CNTLN: variants seen among roughly 807,000 people sequenced by gnomAD.
CNTLN encodes centlein, also known as centlein, centrosomal protein.
A neutral mutation model predicts 180.0 loss-of-function variants in CNTLN; 212 were observed. The ratio of observed to expected loss-of-function variants is 1.18; its 90% CI spans 1.05 to 1.32. The LOEUF is 1.32. CNTLN is among the 40% of genes most tolerant of loss of function. CNTLN has a pLI of 0.00. For synonymous variants in CNTLN, 722 were observed against 563.1 expected, an observed-to-expected ratio of 1.28 and a Z score of -3.99; for missense variants, 2,095 against 1,610.9, an observed-to-expected ratio of 1.30 and a Z score of -5.14.
In CNTLN at chr9:17,358,836, A is replaced by G. The variant is rs539285277; in HGVS notation, c.1887-7781A>G. Among the ~76,000 whole-genome samples the G allele has an allele frequency of 2.3e-4, 35 of 152,322 alleles. 1 individual carries two copies. The highest frequency in any genetic ancestry group is 8.4e-4 in the African/African-American group (35 of 41,578). On this transcript the variant is annotated intron_variant, in intron 12 of 25. Transcript: ENST00000380647. ...TAGCAGATGATGTAGCTACATAGCTAAAATTCCAAAAAAACCTATTTAATA... is the reference window on the plus strand; with the variant it reads ...TAGCAGATGATGTAGCTACATAGCTGAAATTCCAAAAAAACCTATTTAATA...
At chr9:17,391,335 CT>C (rs1057476380) in intron 14 of CNTLN, among the ~76,000 whole-genome samples, 1 of 152,174 alleles carries the variant, frequency 6.6e-6, no homozygotes, top group Admixed American at 6.5e-5. Flanking sequence ...TTATGGCTTG[CT>C]TTTGGGGAGA....
In CNTLN at chr9:17,261,651, G is replaced by A. The variant is rs549569527; in HGVS notation, c.850-12082G>A. Among the ~76,000 whole-genome samples, 6 of 151,370 alleles carry A rather than the reference G, an allele frequency of 4.0e-5. No individual in the cohort carries two copies. In the East Asian group the frequency reaches 1.2e-3, roughly 29 times the overall value. On this transcript the variant is annotated intron_variant, in intron 5 of 25. Coordinates refer to ENST00000380647, the MANE Select transcript of CNTLN (RefSeq NM_017738.4). ...ACGTGACTTCTTTTCCTATTTGTAT[G>A]TCATTTATTTTTTTCTCTTGACTGA...
At chr9:17,180,055 C>T (rs796798942) in intron 2 of CNTLN, among the ~76,000 whole-genome samples, 3 of 151,844 alleles carry the variant, frequency 2.0e-5, no homozygotes, top group Non-Finnish European at 2.9e-5. Flanking sequence ...ACCTATATTG[C>T]CATATTTGAA....
chr9:17,335,841 C>G (rs1820979099), intron 10 of CNTLN, among the ~76,000 whole-genome samples: 1 of 150,448 alleles, frequency 6.6e-6, no homozygotes, highest in Non-Finnish European at 1.5e-5. Context: ...ACTCAGTAGG[C>G]TGAGGGATGA....
intron 8 of CNTLN, among the ~76,000 whole-genome samples, chr9:17,312,364 T>TATATATATATATA (rs369729227): frequency 3.0e-4 from 6 of 20,182 alleles, no homozygotes; most frequent in African/African-American, 4.6e-4. Flanking sequence ...TATATATATA[T>TATATATATATATA]TATATATATA....
intron 2 of CNTLN, among the ~76,000 whole-genome samples, chr9:17,214,014 C>G (rs1375610214): frequency 6.6e-6 from 1 of 152,122 alleles, no homozygotes; most frequent in Non-Finnish European, 1.5e-5. Flanking sequence ...ATCCAATTTG[C>G]CAGTCTGTGT....
chr9:17,213,361 C>T (rs148884380), intron 2 of CNTLN, among the ~76,000 whole-genome samples: 2,087 of 152,182 alleles, frequency 0.014, 51 homozygotes, highest in African/African-American at 0.047. Context: ...TGTAGTTGAC[C>T]GGTTTTGAGT....
chr9:17,192,477 T>C (rs1481575055), intron 2 of CNTLN, among the ~76,000 whole-genome samples: 3 of 151,300 alleles, frequency 2.0e-5, no homozygotes, highest in Non-Finnish European at 2.9e-5. Context: ...GACCTCGTGA[T>C]CCACCCACCT....
chr9:17,177,394 A>G (rs1340314127), intron 2 of CNTLN, among the ~76,000 whole-genome samples: 2 of 151,986 alleles, frequency 1.3e-5, no homozygotes, highest in Non-Finnish European at 2.9e-5. Context: ...GGGCGACAGA[A>G]CAAGACTCTG....
At chr9:17,484,894 G>C (rs1832821282) in intron 24 of CNTLN, among the ~76,000 whole-genome samples, 1 of 151,946 alleles carries the variant, frequency 6.6e-6, no homozygotes, top group African/African-American at 2.4e-5. Context: ...AAATCTATTG[G>C]CTTTCATAGC....
intron 15 of CNTLN, among the ~76,000 whole-genome samples, chr9:17,409,005 A>T (rs79914208): frequency 6.6e-6 from 1 of 152,136 alleles, no homozygotes; most frequent in Non-Finnish European, 1.5e-5. Flanking sequence ...CAACCCTGGA[A>T]GTGTTACAAC....
intron 13 of CNTLN, among the ~76,000 whole-genome samples, chr9:17,373,922 A>T (rs1824539503): frequency 6.6e-6 from 1 of 152,208 alleles, no homozygotes; most frequent in South Asian, 2.1e-4. Context: ...TATGCGTAAG[A>T]ATGAAACTAG....
At chr9:17,411,087 A>C (rs1028311650) in intron 16 of CNTLN, among the ~76,000 whole-genome samples, 5 of 152,184 alleles carry the variant, frequency 3.3e-5, no homozygotes, top group Non-Finnish European at 5.9e-5. Context: ...AACAAGAAGA[A>C]GACGCTGAAA....
chr9:17,365,456 A>G (rs973630447), intron 12 of CNTLN, among the ~76,000 whole-genome samples: 1 of 152,160 alleles, frequency 6.6e-6, no homozygotes, highest in Non-Finnish European at 1.5e-5. Flanking sequence ...AGAATAGACT[A>G]ATACACCATC....
chr9:17,426,264 A>G (rs1015095325), intron 18 of CNTLN, among the ~76,000 whole-genome samples: 1 of 152,212 alleles, frequency 6.6e-6, no homozygotes, highest in African/African-American at 2.4e-5. Flanking sequence ...CAATTCACAT[A>G]TTGCCATGTT....
chr9:17,409,748 T>C (rs907188135), intron 16 of CNTLN, among the ~76,000 whole-genome samples: 5 of 152,124 alleles, frequency 3.3e-5, no homozygotes, highest in African/African-American at 1.2e-4. Context: ...TGTTTTCAGG[T>C]ATATGAAATA....
At chr9:17,149,249 G>T (rs868598942) in intron 2 of CNTLN, among the ~76,000 whole-genome samples, 1 of 152,084 alleles carries the variant, frequency 6.6e-6, no homozygotes, top group Non-Finnish European at 1.5e-5. Context: ...CCAACTCTTT[G>T]CTATTGTGAA....
chr9:17,430,369 G>T (rs1324629704), intron 18 of CNTLN, among the ~76,000 whole-genome samples: 1 of 151,696 alleles, frequency 6.6e-6, no homozygotes, highest in African/African-American at 2.4e-5. Context: ...CATACTATTT[G>T]AAAACTCTCT....
chr9:17,161,654 A>G (rs574209564), intron 2 of CNTLN, among the ~76,000 whole-genome samples: 55 of 152,334 alleles, frequency 3.6e-4, no homozygotes, highest in Non-Finnish European at 7.1e-4. Flanking sequence ...TATTTTTTCC[A>G]TAAAGAACTT....
Sources: gnomAD v4.1 joint callset for allele counts (sites outside exome capture counted in the v4.1 genomes callset) on GRCh38, gnomAD v4.1.1 for gene constraint, MANE v1.5 for transcripts, NCBI Gene and HGNC (gene_info 2026-07-23, HGNC 2026-07-21) for gene names.